The following KCNQ1OT1 variants were observed in gnomAD, a reference collection of about 807,000 sequenced individuals.
The protein encoded by KCNQ1OT1 is KCNQ1 opposite strand/antisense transcript 1.
At position 2,683,056 on chromosome 11, in the gene KCNQ1OT1, A is replaced by G; in HGVS notation, n.16939T>C. ...GACCTTCTCCCACTTCTTACAGGCA[A>G]GGCTCTTGCTAGCCTGAGGACCAGG... On this transcript the variant is annotated non_coding_transcript_exon_variant, in exon 1 of 1. Transcript: ENST00000597346. This position sits in a 1 kb window ranked among gnomAD's most constrained non-coding sequence, Gnocchi z 4.7. The G allele has an allele frequency of 2.5e-6, 1 of 398,670 alleles. No homozygotes were observed. Among genetic ancestry groups the G allele is most frequent in the East Asian group, 3.6e-5 (1 of 28,082 alleles). The allele number at this position is 398,670 out of a possible 1,614,324, so 24.7% of individuals were successfully genotyped here.
At chr11:2,631,212 C>T (rs754825410) in exon 1 of KCNQ1OT1, 8 of 398,368 alleles carry the variant, frequency 2.0e-5, no homozygotes, top group Non-Finnish European at 3.1e-5. Context: ...TCTATAAATC[C>T]TGTGTGAACA....
chr11:2,670,464 C>T lies in KCNQ1OT1; in HGVS notation n.29531G>A. On this transcript the variant is annotated non_coding_transcript_exon_variant, in exon 1 of 1. Coordinates refer to ENST00000597346, the Ensembl canonical transcript of KCNQ1OT1. The surrounding 1 kb of genome is among the most constrained non-coding windows in gnomAD (Gnocchi z 4.9). ...TTGGCTGAGACACACAGCCCACATCCTTGGTAGGTCCCTCAGAGAGCATCT... is the reference window on the plus strand; with the variant it reads ...TTGGCTGAGACACACAGCCCACATCTTTGGTAGGTCCCTCAGAGAGCATCT... 1 of 397,650 alleles carries T rather than the reference C, an allele frequency of 2.5e-6. No homozygotes were observed. The highest frequency in any genetic ancestry group is 3.6e-5 in the East Asian group (1 of 28,050). The allele number at this position is 397,650 out of a possible 1,614,324, so 24.6% of individuals were successfully genotyped here. A position where few individuals can be genotyped will look rare whatever the true frequency, so the allele number is the denominator to read the frequency against.
exon 1 of KCNQ1OT1, chr11:2,684,977 T>C: frequency 2.5e-6 from 1 of 398,680 alleles, no homozygotes; most frequent in Non-Finnish European, 4.4e-6. Flanking sequence ...GGCTTCCAAT[T>C]TTACGGACTG....
exon 1 of KCNQ1OT1, chr11:2,641,455 A>C (rs749148425): frequency 7.5e-6 from 3 of 397,862 alleles, no homozygotes; most frequent in African/African-American, 6.2e-5. Flanking sequence ...ATATCTATCC[A>C]TGTCTTTTGC....
rs1452609576 is a variant in KCNQ1OT1, at chr11:2,652,593, C to T, written n.47402G>A. On this transcript the variant is annotated non_coding_transcript_exon_variant, in exon 1 of 1. Transcript: ENST00000597346. This position sits in a 1 kb window ranked among gnomAD's most constrained non-coding sequence, Gnocchi z 5.9. The stretch of plus-strand genomic sequence containing the variant: ...AGTTTCCTAGGGCTGCTCTTGCTGC[C>T]TGGAACCTTCCCCTGAAAATGTGTC... 1.0e-5 allele frequency: 4 copies of T among 398,504 alleles called. No homozygotes were observed. Among genetic ancestry groups the T allele is most frequent in the Admixed American group, 8.8e-5 (2 of 22,718 alleles). 24.7% of individuals were successfully genotyped at this position (398,504 alleles called of 1,614,324 possible). A position where few individuals can be genotyped will look rare whatever the true frequency, so the allele number is the denominator to read the frequency against.
chr11:2,643,443 CTTTGT>C, exon 1 of KCNQ1OT1: 1 of 398,206 alleles, frequency 2.5e-6, no homozygotes, highest in Non-Finnish European at 4.4e-6. Flanking sequence ...TTAGCTTAAC[CTTTGT>C]TTTATCTGAT....
At position 2,624,375 on chromosome 11, in the gene KCNQ1OT1, A is replaced by G. The variant is rs1384632609; in HGVS notation, n.75620T>C. 2 of 398,354 alleles carry G rather than the reference A, an allele frequency of 5.0e-6. No homozygotes were observed. The highest frequency in any genetic ancestry group is 2.1e-5 in the African/African-American group (1 of 48,608). The allele number at this position is 398,354 out of a possible 1,614,324, so 24.7% of individuals were successfully genotyped here. ...TCTCCCTTCTGTGGCCTGTCCTTTC[A>G]TCCTCTTGACAGTATGTTTTACAGA... On this transcript the variant is annotated non_coding_transcript_exon_variant, in exon 1 of 1. Transcript: ENST00000597346. This position sits in a 1 kb window ranked among gnomAD's most constrained non-coding sequence, Gnocchi z 4.9.
At position 2,623,767 on chromosome 11, in the gene KCNQ1OT1, C is replaced by A. The variant is rs1285982589; in HGVS notation, n.76228G>T. ...ATTTTTATGTGAATATAAGTCTTCA[C>A]CTCCTTTGAGTAAATACCAAGGATG... On this transcript the variant is annotated non_coding_transcript_exon_variant, in exon 1 of 1. Transcript: ENST00000597346. The surrounding 1 kb of genome is among the most constrained non-coding windows in gnomAD (Gnocchi z 5.2). 1 of 398,382 alleles carries A rather than the reference C, an allele frequency of 2.5e-6. No individual in the cohort carries two copies. The highest frequency in any genetic ancestry group is 4.4e-6 in the Non-Finnish European group (1 of 226,028). The allele number at this position is 398,382 out of a possible 1,614,324, so 24.7% of individuals were successfully genotyped here.
chr11:2,610,711 G>T (rs1848965382), exon 1 of KCNQ1OT1: 2 of 348,746 alleles, frequency 5.7e-6, no homozygotes, highest in African/African-American at 2.8e-5. Flanking sequence ...AGTATTCTTG[G>T]TTGGCTTTTT....
chr11:2,673,927 G>T lies in KCNQ1OT1; in HGVS notation n.26068C>A, dbSNP rs1184893123. 2.5e-6 allele frequency: 1 copy of T among 396,302 alleles called. No homozygotes were observed. Among genetic ancestry groups the T allele is most frequent in the South Asian group, 1.3e-4 (1 of 7,764 alleles). 24.5% of individuals were successfully genotyped at this position (396,302 alleles called of 1,614,324 possible). On this transcript the variant is annotated non_coding_transcript_exon_variant, in exon 1 of 1. Transcript: ENST00000597346. The surrounding 1 kb of genome is among the most constrained non-coding windows in gnomAD (Gnocchi z 4.5). ...AGCTCACCGGGTGCTAGACAAGGGA[G>T]TGTGTCTCTTTCCCCATGAGTGACA... is the stretch of plus-strand genomic sequence containing the variant.
exon 1 of KCNQ1OT1, chr11:2,684,581 G>A: frequency 2.5e-6 from 1 of 398,664 alleles, no homozygotes. Context: ...TTCTGGCAGA[G>A]GAGAGTGACT....
At chr11:2,632,203 AGAAAT>A (rs1159277452) in exon 1 of KCNQ1OT1, 54 of 397,254 alleles carry the variant, frequency 1.4e-4, no homozygotes, top group African/African-American at 1.0e-3. Flanking sequence ...AAAAAAAAAA[AGAAAT>A]GCAACTGAAT....
Position 2,630,081 on chromosome 11 carries a change from C to A in KCNQ1OT1, n.69914G>T, listed in dbSNP as rs1564838745. ...TTCATATATGGCCTTTATTGTGTTGCAGTACATTCCTTCTATACCTAATTT... is the reference window on the plus strand; with the variant it reads ...TTCATATATGGCCTTTATTGTGTTGAAGTACATTCCTTCTATACCTAATTT... On this transcript the variant is annotated non_coding_transcript_exon_variant, in exon 1 of 1. Coordinates refer to ENST00000597346, the Ensembl canonical transcript of KCNQ1OT1. 10 of 398,256 alleles carry A rather than the reference C, an allele frequency of 2.5e-5. No individual in the cohort carries two copies. The South Asian group carries it at 6.4e-4, about 25-fold the overall frequency. 24.7% of individuals were successfully genotyped at this position (398,256 alleles called of 1,614,324 possible). A position where few individuals can be genotyped will look rare whatever the true frequency, so the allele number is the denominator to read the frequency against.
chr11:2,699,605 G>GA (rs1850745575), exon 1 of KCNQ1OT1: 4 of 250,890 alleles, frequency 1.6e-5, no homozygotes, highest in African/African-American at 1.4e-4. Flanking sequence ...CGCGGCGAGA[G>GA]GCCCCCGGAG....
In KCNQ1OT1 at chr11:2,642,850, A is replaced by G. The variant is rs1590000278; in HGVS notation, n.57145T>C. The G allele has an allele frequency of 5.0e-6, 2 of 397,862 alleles. No individual in the cohort carries two copies. The highest frequency in any genetic ancestry group is 8.9e-6 in the Non-Finnish European group (2 of 225,672). 24.6% of individuals were successfully genotyped at this position (397,862 alleles called of 1,614,324 possible). A position where few individuals can be genotyped will look rare whatever the true frequency, so the allele number is the denominator to read the frequency against. On this transcript the variant is annotated non_coding_transcript_exon_variant, in exon 1 of 1. Transcript: ENST00000597346. The surrounding 1 kb of genome is among the most constrained non-coding windows in gnomAD (Gnocchi z 4.3). ...GCTTTTGCAGTATCCCTTAAGTTTC[A>G]GAATGTTGTGCTTCTATTTTCACTT...
exon 1 of KCNQ1OT1, chr11:2,618,695 C>T (rs1415323844): frequency 2.5e-6 from 1 of 398,316 alleles, no homozygotes; most frequent in Non-Finnish European, 4.4e-6. Flanking sequence ...CTTGCTATTC[C>T]AAATGAACTT....
exon 1 of KCNQ1OT1, chr11:2,662,927 T>C (rs1849994807): frequency 3.0e-5 from 12 of 398,546 alleles, no homozygotes; most frequent in East Asian, 2.5e-4. Flanking sequence ...TCCTGAGCCA[T>C]GTGTGTCTTT....
At chr11:2,632,978 T>C (rs1202453962) in exon 1 of KCNQ1OT1, 1 of 398,510 alleles carries the variant, frequency 2.5e-6, no homozygotes, top group East Asian at 3.6e-5. Flanking sequence ...TTTTAGTTTT[T>C]TTGACAAAAC....
rs1849814182 is a variant in KCNQ1OT1 at position 2,654,797 on chromosome 11, A to G, written n.45198T>C. 1 of 398,534 alleles carries G rather than the reference A, an allele frequency of 2.5e-6. No individual in the cohort carries two copies. The highest frequency in any genetic ancestry group is 4.4e-6 in the Non-Finnish European group (1 of 226,134). 24.7% of individuals were successfully genotyped at this position (398,534 alleles called of 1,614,324 possible). ...TGAGACCAGAATTTCTTGGGAACAG[A>G]AAGCCTCAAAGACTTTCATGATAGG... On this transcript the variant is annotated non_coding_transcript_exon_variant, in exon 1 of 1. Transcript: ENST00000597346. This position sits in a 1 kb window ranked among gnomAD's most constrained non-coding sequence, Gnocchi z 6.4.
Sources: gnomAD v4.1 joint callset for allele counts on GRCh38, gnomAD v4.1.1 for gene constraint, Gnocchi (gnomAD v3.1) non-coding constraint, MANE v1.5 for transcripts, NCBI Gene and HGNC (gene_info 2026-07-23, HGNC 2026-07-21) for gene names.